PGCKA1: variants seen among roughly 807,000 people sequenced by gnomAD.
The protein encoded by PGCKA1 is PDCD10 and GCKIII kinases-associated protein 1.
At chr4:37,579,738 A>G in the PGCKA1 span, among the ~76,000 whole-genome samples, 1 of 151,994 alleles carries the variant, frequency 6.6e-6, no homozygotes, top group Admixed American at 6.5e-5. Flanking sequence ...TTGATTACTA[A>G]TTGCCTTGAG....
chr4:37,498,217 A>G, the PGCKA1 span, among the ~76,000 whole-genome samples: 89,430 of 151,926 alleles, frequency 0.59, 26,633 homozygotes, highest in South Asian at 0.75. Context: ...TCAGTTGGCT[A>G]TAAGTATTTG....
the PGCKA1 span, among the ~76,000 whole-genome samples, chr4:37,481,222 C>T: frequency 5.3e-5 from 8 of 152,028 alleles, no homozygotes; most frequent in South Asian, 2.1e-4. Context: ...CTGTGTTAGT[C>T]GGCTAGGGCC....
At chr4:37,464,720 C>G in the PGCKA1 span, among the ~76,000 whole-genome samples, 10 of 152,222 alleles carry the variant, frequency 6.6e-5, no homozygotes, top group Non-Finnish European at 1.5e-4. Context: ...GAATTTCTAA[C>G]TAGAGATGTA....
At chr4:37,496,314 T>G in the PGCKA1 span, among the ~76,000 whole-genome samples, 1 of 152,186 alleles carries the variant, frequency 6.6e-6, no homozygotes, top group Non-Finnish European at 1.5e-5. Context: ...AGGAATTTTC[T>G]GCATATGGCA....
the PGCKA1 span, among the ~76,000 whole-genome samples, chr4:37,583,787 C>T: frequency 1.3e-5 from 2 of 152,154 alleles, no homozygotes; most frequent in African/African-American, 4.8e-5. Flanking sequence ...GTTTGTTTTT[C>T]CCCTGTGTAA....
the PGCKA1 span, among the ~76,000 whole-genome samples, chr4:37,556,798 G>A: frequency 2.6e-4 from 39 of 152,202 alleles, no homozygotes; most frequent in Admixed American, 2.0e-3. Flanking sequence ...CTGCAGGCAT[G>A]GACTTGTGTT....
chr4:37,508,866 G>A, the PGCKA1 span, among the ~76,000 whole-genome samples: 1 of 144,924 alleles, frequency 6.9e-6, no homozygotes. Context: ...TTGAGATTAG[G>A]GAGTGGTGAT....
the PGCKA1 span, chr4:37,588,849 G>GT: frequency 6.2e-7 from 1 of 1,610,048 alleles, no homozygotes; most frequent in Non-Finnish European, 8.5e-7. Flanking sequence ...TTTCCAGGTG[G>GT]TAACAGAAAA....
chr4:37,532,878 T>G, the PGCKA1 span, among the ~76,000 whole-genome samples: 2 of 129,094 alleles, frequency 1.5e-5, no homozygotes, highest in African/African-American at 5.4e-5. Flanking sequence ...CTATGAAATG[T>G]CATGCATTTT....
chr4:37,460,709 A>C, the PGCKA1 span: 1 of 375,670 alleles, frequency 2.7e-6, no homozygotes, highest in African/African-American at 2.2e-5. Flanking sequence ...AAATTTGTTT[A>C]AGTTCCTTAT....
At chr4:37,454,286 T>C in the PGCKA1 span, among the ~76,000 whole-genome samples, 2 of 152,094 alleles carry the variant, frequency 1.3e-5, no homozygotes, top group Admixed American at 6.5e-5. Context: ...AGGCGGACTT[T>C]TACAGATTCC....
chr4:37,564,619 G>T, the PGCKA1 span, among the ~76,000 whole-genome samples: 5,050 of 152,010 alleles, frequency 0.033, 227 homozygotes, highest in East Asian at 0.14. Context: ...TGATTCTCCT[G>T]CCTCAGCCTC....
chr4:37,588,662 G>A, the PGCKA1 span: 47 of 550,670 alleles, frequency 8.5e-5, no homozygotes, highest in Admixed American at 3.4e-4. Context: ...ACTCTGAAGC[G>A]GTGATGGAAA....
chr4:37,533,283 G>A, the PGCKA1 span, among the ~76,000 whole-genome samples: 2 of 151,992 alleles, frequency 1.3e-5, no homozygotes, highest in Non-Finnish European at 1.5e-5. Flanking sequence ...TTGAAAATTA[G>A]GAATTTAAGC....
chr4:37,464,007 G>A, the PGCKA1 span, among the ~76,000 whole-genome samples: 282 of 152,132 alleles, frequency 1.9e-3, 9 homozygotes, highest in East Asian at 0.046. Context: ...AAGTACACCC[G>A]CGCCCATAAG....
chr4:37,572,048 C>CTTTTTTTTTTTTT, the PGCKA1 span, among the ~76,000 whole-genome samples: 1 of 111,630 alleles, frequency 9.0e-6, no homozygotes, highest in Non-Finnish European at 1.8e-5. Flanking sequence ...AACTTCACAC[C>CTTTTTTTTTTTTT]TTTTTTTTTT....
chr4:37,466,135 T>C, the PGCKA1 span, among the ~76,000 whole-genome samples: 36 of 152,196 alleles, frequency 2.4e-4, no homozygotes, highest in Non-Finnish European at 1.5e-5. Context: ...AAATAACTTC[T>C]AACATCCATT....
the PGCKA1 span, among the ~76,000 whole-genome samples, chr4:37,499,472 G>A: frequency 1.3e-5 from 2 of 152,114 alleles, no homozygotes; most frequent in African/African-American, 4.8e-5. Flanking sequence ...ATATATTTCT[G>A]ATTCAATTTT....
the PGCKA1 span, among the ~76,000 whole-genome samples, chr4:37,523,665 G>A: frequency 6.6e-6 from 1 of 152,084 alleles, no homozygotes; most frequent in Non-Finnish European, 1.5e-5. Flanking sequence ...CCATCTGTAT[G>A]TTATATACAC....
Sources: gnomAD v4.1 joint callset for allele counts (sites outside exome capture counted in the v4.1 genomes callset) on GRCh38, gnomAD v4.1.1 for gene constraint, MANE v1.5 for transcripts, NCBI Gene and HGNC (gene_info 2026-07-23, HGNC 2026-07-21) for gene names.